The following GALNTL6 variants were observed in gnomAD, a reference collection of about 807,000 sequenced individuals.
GALNTL6 encodes the protein polypeptide N-acetylgalactosaminyltransferase-like 6.
Under a neutral mutation model 73.7 loss-of-function variants are expected in GALNTL6, and 46 were observed. The ratio of observed to expected loss-of-function variants is 0.62; its 90% CI spans 0.49 to 0.80. GALNTL6 has a LOEUF of 0.80. GALNTL6 is among the 30% of genes least tolerant of loss of function. The probability of loss-of-function intolerance (pLI) is 0.00; values close to 1 mark genes in which losing one functional copy is unlikely to be tolerated. For synonymous variants in GALNTL6, 259 were observed against 263.7 expected, an observed-to-expected ratio of 0.98 and a Z score of 0.17; for missense variants, 604 against 755.0, an observed-to-expected ratio of 0.80 and a Z score of 2.34.
intron 2 of GALNTL6, among the ~76,000 whole-genome samples, chr4:172,117,567 T>A (rs945559110): frequency 1.1e-4 from 16 of 152,188 alleles, no homozygotes; most frequent in African/African-American, 3.9e-4. Flanking sequence ...TTATTATTGT[T>A]CCTTATTTTG....
At chr4:172,775,765 C>T (rs1739038382) in intron 5 of GALNTL6, among the ~76,000 whole-genome samples, 3 of 152,114 alleles carry the variant, frequency 2.0e-5, no homozygotes, top group African/African-American at 7.2e-5. Context: ...GGATCATCAC[C>T]TCCCTGATTA....
At chr4:172,002,696 C>T (rs1317287334) in intron 2 of GALNTL6, among the ~76,000 whole-genome samples, 3 of 152,132 alleles carry the variant, frequency 2.0e-5, no homozygotes, top group Non-Finnish European at 2.9e-5. Context: ...GTGATAACTA[C>T]TTTCTCAATA....
chr4:171,974,352 G>A (rs1014002674), intron 2 of GALNTL6, among the ~76,000 whole-genome samples: 1 of 152,128 alleles, frequency 6.6e-6, no homozygotes, highest in Non-Finnish European at 1.5e-5. Flanking sequence ...CATAGCAGCT[G>A]AAGTCGACCA....
intron 5 of GALNTL6, among the ~76,000 whole-genome samples, chr4:172,512,583 G>GT (rs1734463539): frequency 6.6e-6 from 1 of 152,036 alleles, no homozygotes; most frequent in African/African-American, 2.4e-5. Flanking sequence ...GTATTTTGAG[G>GT]TTTTGTTTCA....
chr4:172,860,712 G>GA (rs1296053765), intron 7 of GALNTL6, among the ~76,000 whole-genome samples: 5 of 152,226 alleles, frequency 3.3e-5, no homozygotes, highest in African/African-American at 1.2e-4. Flanking sequence ...TATTTACGAG[G>GA]AAAATATATA....
At chr4:172,103,104 T>C (rs1050182626) in intron 2 of GALNTL6, among the ~76,000 whole-genome samples, 2 of 152,160 alleles carry the variant, frequency 1.3e-5, no homozygotes, top group African/African-American at 4.8e-5. Flanking sequence ...TGTGTCCTTG[T>C]TGCAACTCCT....
chr4:171,915,309 T>C (rs538104896), intron 2 of GALNTL6, among the ~76,000 whole-genome samples: 2 of 152,260 alleles, frequency 1.3e-5, no homozygotes, highest in South Asian at 2.1e-4. Flanking sequence ...TGTATACATA[T>C]TGTCTGTAGT....
At chr4:173,007,597 G>A (rs539826246) in intron 10 of GALNTL6, among the ~76,000 whole-genome samples, 2 of 152,124 alleles carry the variant, frequency 1.3e-5, no homozygotes, top group South Asian at 4.2e-4. Context: ...AAGTGAGGTC[G>A]GGAGTTCAAG....
At chr4:172,640,210 A>G (rs1321283167) in intron 5 of GALNTL6, among the ~76,000 whole-genome samples, 4 of 152,060 alleles carry the variant, frequency 2.6e-5, no homozygotes, top group Admixed American at 2.6e-4. Flanking sequence ...TTTTTGCTTC[A>G]CCTAGTAGTG....
At chr4:172,168,701 T>TGATGGTAATGGTGATGGTGAC (rs759962771) in intron 2 of GALNTL6, among the ~76,000 whole-genome samples, 1 of 152,034 alleles carries the variant, frequency 6.6e-6, no homozygotes, top group Non-Finnish European at 1.5e-5. Flanking sequence ...ATGATGGTGA[T>TGATGGTAATGGTGATGGTGAC]GATGGTAATG....
chr4:171,996,745 T>G (rs979391991), intron 2 of GALNTL6, among the ~76,000 whole-genome samples: 14 of 131,954 alleles, frequency 1.1e-4, no homozygotes, highest in South Asian at 2.5e-4. Flanking sequence ...AAAAAAAAAC[T>G]CACAGTGTCT....
At chr4:172,758,605 G>C (rs974517876) in intron 5 of GALNTL6, among the ~76,000 whole-genome samples, 1 of 152,150 alleles carries the variant, frequency 6.6e-6, no homozygotes, top group Non-Finnish European at 1.5e-5. Context: ...ATCTAAATTT[G>C]TTGCTGAAGT....
chr4:172,722,654 C>T (rs1050147858), intron 5 of GALNTL6, among the ~76,000 whole-genome samples: 1 of 151,954 alleles, frequency 6.6e-6, no homozygotes, highest in East Asian at 1.9e-4. Context: ...ATAATTTTAC[C>T]TACATGTACC....
intron 5 of GALNTL6, among the ~76,000 whole-genome samples, chr4:172,630,702 A>C (rs1348288437): frequency 7.6e-6 from 1 of 131,664 alleles, no homozygotes. Context: ...TATTCCTCCA[A>C]CTCAACATAT....
chr4:172,317,365 T>C (rs1008164474), intron 4 of GALNTL6, among the ~76,000 whole-genome samples: 2 of 152,176 alleles, frequency 1.3e-5, no homozygotes, highest in Non-Finnish European at 2.9e-5. Context: ...TTCTTCAGCT[T>C]CCTCACCATG....
At chr4:173,039,003 T>G (rs10034056) in intron 12 of GALNTL6, among the ~76,000 whole-genome samples, 2,829 of 152,284 alleles carry the variant, frequency 0.019, 92 homozygotes, top group African/African-American at 0.064. Context: ...AGAGGTAAAA[T>G]TTATTACTAG....
chr4:171,995,774 G>T (rs1740467371), intron 2 of GALNTL6, among the ~76,000 whole-genome samples: 1 of 151,942 alleles, frequency 6.6e-6, no homozygotes, highest in Non-Finnish European at 1.5e-5. Flanking sequence ...AACAATAGAA[G>T]CTAAATGATT....
At chr4:172,119,794 T>C (rs1579157620) in intron 2 of GALNTL6, among the ~76,000 whole-genome samples, 1 of 152,216 alleles carries the variant, frequency 6.6e-6, no homozygotes, top group African/African-American at 2.4e-5. Flanking sequence ...TCTGGACTCA[T>C]GCATCACAAA....
At chr4:172,516,024 G>A (rs1472308774) in intron 5 of GALNTL6, among the ~76,000 whole-genome samples, 1 of 152,114 alleles carries the variant, frequency 6.6e-6, no homozygotes, top group African/African-American at 2.4e-5. Context: ...TCTTCACTAA[G>A]ACTGATAAAT....
Sources: allele counts gnomAD v4.1 joint callset (sites outside exome capture counted in the v4.1 genomes callset), GRCh38; gene constraint gnomAD v4.1.1; transcripts MANE v1.5; gene names NCBI Gene and HGNC (gene_info 2026-07-23, HGNC 2026-07-21).